HOXD3: variants seen among roughly 807,000 people sequenced by gnomAD.
The protein encoded by HOXD3 is homeobox protein Hox-D3.
Under a neutral mutation model 32.8 loss-of-function variants are expected in HOXD3, and 13 were observed. The ratio of observed to expected loss-of-function variants is 0.40; its 90% CI spans 0.26 to 0.63. The LOEUF (loss-of-function observed/expected upper bound fraction) is 0.63, where lower values mean the gene tolerates loss of function less well. HOXD3 is among the 20% of genes least tolerant of loss of function. HOXD3 has a pLI of 0.44. For synonymous variants in HOXD3, 241 were observed against 246.8 expected (o/e 0.98, Z 0.22); for missense variants, 504 against 577.1 (o/e 0.87, Z 1.30).
In HOXD3 at chr2:176,171,728, G is replaced by A. The variant is rs777295463; in HGVS notation, c.753G>A (p.Lys251=). 4 of 1,614,144 alleles carry A rather than the reference G, an allele frequency of 2.5e-6. No individual in the cohort carries two copies. The highest frequency in any genetic ancestry group is 1.7e-4 in the Middle Eastern group (1 of 5,982). The change falls in exon 4 of 4, where the codon AAG becomes AAA. Residue 251 remains lysine (K), a synonymous_variant. Coordinates refer to ENST00000683222, the MANE Select transcript of HOXD3 (RefSeq NM_006898.5). Reference sequence around the variant, plus strand: ...AGAACCGGCGCATGAAGTACAAGAAGGACCAGAAGGCCAAGGGCATCCTGC... The same window carrying A: ...AGAACCGGCGCATGAAGTACAAGAAAGACCAGAAGGCCAAGGGCATCCTGC... ...WFQNRRMKYK[K]DQKAKGILHS...
chr2:176,171,797 C>G lies in HOXD3; in HGVS notation c.822C>G (p.Gly274=). 2 of 1,612,748 alleles carry G rather than the reference C, an allele frequency of 1.2e-6. No homozygotes were observed. The highest frequency in any genetic ancestry group is 1.7e-6 in the Non-Finnish European group (2 of 1,179,418). Residue 274 remains glycine, a synonymous_variant, in exon 4 of 4, where the codon GGC becomes GGG. Coordinates refer to ENST00000683222, the MANE Select transcript of HOXD3 (RefSeq NM_006898.5). The stretch of plus-strand genomic sequence containing the variant: ...CCCCTGAGCGCAGCCCACCGCTCGG[C>G]GGCGCCGCTGGCCACGTGGCCTACT... The part of the protein sequence containing the change: ...SQSPERSPPL[G]GAAGHVAYSG...
chr2:176,164,731 C>A (rs1313688934), intron 2 of HOXD3: 1 of 152,154 alleles, frequency 6.6e-6, no homozygotes, highest in Admixed American at 6.5e-5. Flanking sequence ...AGAAACTGAC[C>A]GCAACCTCCA....
intron 1 of HOXD3, among the ~76,000 whole-genome samples, chr2:176,159,621 CCGCTGCTGGCGCTGGCA>C: frequency 6.6e-6 from 1 of 152,266 alleles, no homozygotes; most frequent in East Asian, 1.9e-4. Flanking sequence ...GCCAGGAGGT[CCGCTGCTGGCGCTGGCA>C]CGCTTAATTC....
In HOXD3 at chr2:176,171,501, C is replaced by CT. The variant is rs1691180871; in HGVS notation, c.542-15dup. The CT allele has an allele frequency of 6.4e-7, 1 of 1,564,484 alleles. No individual in the cohort carries two copies. Among genetic ancestry groups the CT allele is most frequent in the Non-Finnish European group, 8.7e-7 (1 of 1,154,038 alleles). On this transcript the variant is annotated splice_polypyrimidine_tract_variant and intron_variant, in intron 3 of 3. Coordinates refer to ENST00000683222, the MANE Select transcript of HOXD3 (RefSeq NM_006898.5). ...CCCACTCGCTCAGCGCCCTCCCTCT[C>CT]TCCCTCCCTGCCCAGGAGAGAGCTG...
upstream of HOXD3, chr2:176,152,918 C>A: frequency 6.2e-7 from 1 of 1,614,210 alleles, no homozygotes. The surrounding 1 kb of genome is among the most constrained non-coding windows in gnomAD (Gnocchi z 5.2). Flanking sequence ...CCAAAGACCA[C>A]CACACGGACC....
intron 1 of HOXD3, among the ~76,000 whole-genome samples, chr2:176,163,273 A>C (rs1056559010): frequency 1.3e-5 from 2 of 152,156 alleles, no homozygotes; most frequent in African/African-American, 4.8e-5. Context: ...TAGTGCTCGC[A>C]AACTACTGAG....
At chr2:176,156,040 G>C (rs888959700), upstream of HOXD3, among the ~76,000 whole-genome samples, 2 of 152,156 alleles carry the variant, frequency 1.3e-5, no homozygotes, top group African/African-American at 4.8e-5. Flanking sequence ...GTAATTCATT[G>C]ATCTATATTT....
chr2:176,169,934 A>T (rs1691117791), intron 3 of HOXD3, among the ~76,000 whole-genome samples: 1 of 152,030 alleles, frequency 6.6e-6, no homozygotes, highest in Non-Finnish European at 1.5e-5. Flanking sequence ...CTGGGCTGCT[A>T]ATTATAACTC....
chr2:176,162,095 C>T (rs1047327498), intron 1 of HOXD3, among the ~76,000 whole-genome samples: 1 of 152,228 alleles, frequency 6.6e-6, no homozygotes. Context: ...CAGGCCCTAG[C>T]AGGAGAGGAA....
At position 176,172,094 on chromosome 2, in the gene HOXD3, C is replaced by A; in HGVS notation, c.1119C>A (p.Val373=). 6.2e-7 allele frequency: 1 copy of A among 1,612,448 alleles called. No individual in the cohort carries two copies. Among genetic ancestry groups the A allele is most frequent in the Non-Finnish European group, 8.5e-7 (1 of 1,179,910 alleles). ...CCATGGCGCCCGCGTCCGGGCCTGT[C>A]TTCAACCTGGGCCACCTCTCGCACC... The part of the protein sequence containing the change: ...VESMAPASGP[V]FNLGHLSHPS... Residue 373 remains valine, a synonymous_variant, in exon 4 of 4, where the codon GTC becomes GTA. Coordinates refer to ENST00000683222, the MANE Select transcript of HOXD3 (RefSeq NM_006898.5).
At chr2:176,154,786 C>T (rs1341939991), upstream of HOXD3, among the ~76,000 whole-genome samples, 1 of 152,174 alleles carries the variant, frequency 6.6e-6, no homozygotes, top group Non-Finnish European at 1.5e-5. Flanking sequence ...CTCAGACTTG[C>T]ACATGGCAAT....
chr2:176,167,056 A>G (rs1229732934), intron 2 of HOXD3, among the ~76,000 whole-genome samples: 3 of 152,378 alleles, frequency 2.0e-5, no homozygotes, highest in Non-Finnish European at 2.9e-5. Context: ...AGTTTTCTTT[A>G]TCAAACAGAC....
chr2:176,154,725 G>C (rs1574975091), upstream of HOXD3, among the ~76,000 whole-genome samples: 1 of 152,178 alleles, frequency 6.6e-6, no homozygotes, highest in East Asian at 1.9e-4. Flanking sequence ...TTGGTCTTTT[G>C]TATTAGACCC....
chr2:176,152,567 C>T (rs1302310608), upstream of HOXD3: 12 of 1,548,612 alleles, frequency 7.7e-6, no homozygotes, highest in African/African-American at 2.7e-5. The surrounding 1 kb of genome is among the most constrained non-coding windows in gnomAD (Gnocchi z 5.2). Flanking sequence ...TAACTAGTGG[C>T]CGGGCGCTGA....
At chr2:176,154,116 G>GT (rs576083458), upstream of HOXD3, among the ~76,000 whole-genome samples, 3 of 151,704 alleles carry the variant, frequency 2.0e-5, no homozygotes, top group East Asian at 3.8e-4. Context: ...TAGCCTTAGA[G>GT]TTTTTTTCCC....
chr2:176,157,288 C>A (rs1559136120), upstream of HOXD3, among the ~76,000 whole-genome samples: 1 of 152,144 alleles, frequency 6.6e-6, no homozygotes, highest in Non-Finnish European at 1.5e-5. Flanking sequence ...ATTAATTCAG[C>A]ACGTCCCTTA....
In HOXD3 at chr2:176,171,638, G is replaced by A. The variant is rs1444838354; in HGVS notation, c.663G>A (p.Arg221=). 5 of 1,614,098 alleles carry A rather than the reference G, an allele frequency of 3.1e-6. No homozygotes were observed. The highest frequency in any genetic ancestry group is 1.3e-5 in the African/African-American group (1 of 74,944). The change falls in exon 4 of 4, where the codon CGG becomes CGA. Residue 221 remains arginine, a synonymous_variant. Transcript: ENST00000683222. ...TCCACTTCAACCGCTACTTGTGCCG[G>A]CCGCGCCGCGTGGAGATGGCCAACC... ...KEFHFNRYLC[R]PRRVEMANLL...
At chr2:176,159,038 T>C (rs1690717083) in intron 1 of HOXD3, among the ~76,000 whole-genome samples, 1 of 152,220 alleles carries the variant, frequency 6.6e-6, no homozygotes, top group African/African-American at 2.4e-5. Context: ...GGTGCGAGAC[T>C]GTTGGGGGCC....
intron 1 of HOXD3, among the ~76,000 whole-genome samples, chr2:176,163,149 AAG>A (rs950456903): frequency 3.9e-5 from 6 of 152,152 alleles, no homozygotes; most frequent in African/African-American, 1.4e-4. Context: ...GGTGTTCATT[AAG>A]GGGTGAGTTA....
Sources: gnomAD v4.1 joint callset for allele counts (sites outside exome capture counted in the v4.1 genomes callset) on GRCh38, gnomAD v4.1.1 for gene constraint, Gnocchi (gnomAD v3.1) non-coding constraint, MANE v1.5 for transcripts, NCBI Gene and HGNC (gene_info 2026-07-23, HGNC 2026-07-21) for gene names.